The following KIAA0319L variants were observed in gnomAD, a reference collection of about 807,000 sequenced individuals.
KIAA0319L encodes the protein KIAA0319 like.
In KIAA0319L, 55 loss-of-function variants were observed where a neutral mutation model predicts 120.1. The ratio of observed to expected loss-of-function variants is 0.46; its 90% CI spans 0.37 to 0.57. KIAA0319L has a LOEUF of 0.57. KIAA0319L is among the 20% of genes least tolerant of loss of function. KIAA0319L has a pLI of 0.00. For missense variants in KIAA0319L, 1,049 were observed against 1,255.3 expected (o/e 0.84, Z 2.48); for synonymous variants, 398 against 471.9 (o/e 0.84, Z 2.03).
chr1:35,444,021 T>C lies in KIAA0319L; in HGVS notation c.2656+140A>G, dbSNP rs893213344. The C allele has an allele frequency of 1.4e-5, 10 of 691,240 alleles. No individual in the cohort carries two copies. In the African/African-American group the frequency reaches 1.5e-4, roughly 10 times the overall value. 42.8% of individuals were successfully genotyped at this position (691,240 alleles called of 1,614,324 possible). On this transcript the variant is annotated intron_variant, in intron 17 of 20. Transcript: ENST00000325722. ...TCCCCAGTGATGAATCAGGACTCTT[T>C]CATGGTAATAGTAGTGCAAGAGAAT... is the stretch of plus-strand genomic sequence containing the variant.
chr1:35,534,604 A>C (rs1646496018), intron 2 of KIAA0319L, among the ~76,000 whole-genome samples: 2 of 152,202 alleles, frequency 1.3e-5, no homozygotes, highest in South Asian at 4.1e-4. Context: ...TCATGCCTGT[A>C]ATCCCAGCAC....
At chr1:35,473,907 T>C (rs530679036) in intron 5 of KIAA0319L, among the ~76,000 whole-genome samples, 5 of 152,296 alleles carry the variant, frequency 3.3e-5, no homozygotes, top group African/African-American at 1.2e-4. Flanking sequence ...ACCACTCAAG[T>C]CCTAAATAGT....
chr1:35,504,418 G>A (rs1003974844), intron 3 of KIAA0319L, among the ~76,000 whole-genome samples: 2 of 152,066 alleles, frequency 1.3e-5, no homozygotes, highest in African/African-American at 2.4e-5. Flanking sequence ...GAATGGTCTC[G>A]ATCTCCTGAC....
At position 35,460,389 on chromosome 1, in the gene KIAA0319L, T is replaced by C; in HGVS notation, c.1343A>G (p.Lys448Arg). 1 of 1,612,520 alleles carries C rather than the reference T, an allele frequency of 6.2e-7. No homozygotes were observed. Among genetic ancestry groups the C allele is most frequent in the Non-Finnish European group, 8.5e-7 (1 of 1,178,584 alleles). ...KIVQYHWEEL[K>R]GPLREEKISE... ...AATCTTCTCTTCTCTTAGAGGCCCC[T>C]TAAGTTCTTCCCAATGGTACTGAAC... Residue 448 changes from lysine to arginine, a missense_variant, in exon 9 of 21, where the codon AAG (lysine) becomes AGG (arginine). By Grantham distance (26) the Lys-to-Arg change is conservative (BLOSUM62 2). Transcript: ENST00000325722.
intron 3 of KIAA0319L, among the ~76,000 whole-genome samples, chr1:35,497,123 C>T (rs929795182): frequency 6.6e-6 from 1 of 151,066 alleles, no homozygotes; most frequent in African/African-American, 2.4e-5. Context: ...CAATGGATGC[C>T]TAGGACTGGG....
chr1:35,443,258 G>A, intron 17 of KIAA0319L: 2 of 510,514 alleles, frequency 3.9e-6, no homozygotes, highest in Non-Finnish European at 7.0e-6. Flanking sequence ...CTTGTTGTTT[G>A]TCTATATCAG....
chr1:35,473,296 C>T (rs1643753836), intron 5 of KIAA0319L, among the ~76,000 whole-genome samples: 1 of 151,486 alleles, frequency 6.6e-6, no homozygotes, highest in Non-Finnish European at 1.5e-5. Flanking sequence ...TGGGGTTTCG[C>T]CACGTTGGCC....
chr1:35,470,795 T>C (rs571413082), intron 6 of KIAA0319L, 68 bp downstream of exon 6: 3 of 944,928 alleles, frequency 3.2e-6, no homozygotes, highest in African/African-American at 1.6e-5. Flanking sequence ...GAAAATTATA[T>C]GATATTCATT....
In KIAA0319L at chr1:35,528,902, TG is replaced by T. The variant is rs1357875950; in HGVS notation, c.143-21768del. Among the ~76,000 whole-genome samples the T allele has an allele frequency of 2.0e-5, 3 of 152,228 alleles. No individual in the cohort carries two copies. In the East Asian group the frequency reaches 5.8e-4, roughly 29 times the overall value. ...GTTTTGACTTAAAGTCTGTTTTACC[TG>T]ATACAAGTAAAGCTATTCCTGCTCA... On this transcript the variant is annotated intron_variant, in intron 2 of 20. Coordinates refer to ENST00000325722, the MANE Select transcript of KIAA0319L (RefSeq NM_024874.5).
chr1:35,490,526 A>C (rs1385831048), intron 3 of KIAA0319L, among the ~76,000 whole-genome samples: 1 of 152,220 alleles, frequency 6.6e-6, no homozygotes, highest in Non-Finnish European at 1.5e-5. Flanking sequence ...AATGAGAAAA[A>C]AAATGTAAAT....
intron 1 of KIAA0319L, among the ~76,000 whole-genome samples, chr1:35,556,133 A>C (rs1481558689): frequency 1.3e-5 from 2 of 152,236 alleles, no homozygotes; most frequent in Non-Finnish European, 2.9e-5. Flanking sequence ...CACCCCCACA[A>C]TACTTGACAA....
At chr1:35,527,527 G>GTC (rs1646196402) in intron 2 of KIAA0319L, among the ~76,000 whole-genome samples, 2 of 152,124 alleles carry the variant, frequency 1.3e-5, no homozygotes, top group Non-Finnish European at 2.9e-5. Flanking sequence ...AAGCCATCAG[G>GTC]TCCTAGGCTT....
Position 35,521,878 on chromosome 1 carries a change from C to G in KIAA0319L, c.143-14743G>C, listed in dbSNP as rs144685636. Reference sequence around the variant, plus strand: ...GTCCCAGCTATCTGGGACGCTGAGGCAAGAGAATGGCGTGAACCCGGGAGG... The same window carrying G: ...GTCCCAGCTATCTGGGACGCTGAGGGAAGAGAATGGCGTGAACCCGGGAGG... On this transcript the variant is annotated intron_variant, in intron 2 of 20. Transcript: ENST00000325722. Among the ~76,000 whole-genome samples the G allele has an allele frequency of 8.1e-3, 1,113 of 136,618 alleles. 13 individuals are homozygous for G. The highest frequency in any genetic ancestry group is 0.029 in the African/African-American group (1,068 of 36,902). The allele number at this position is 136,618 out of a possible 152,430, so 89.6% of individuals were successfully genotyped here.
chr1:35,435,020 G>C lies in KIAA0319L; in HGVS notation c.3024C>G (p.Asp1008Glu). Reference protein sequence around the residue: ...SSLMHSESELDSDDAIFTWPD... With the variant: ...SSLMHSESELESDDAIFTWPD... ...GCCATGTAAAGATGGCATCATCGCT[G>C]TCCAGCTCTGACTCGGAGTGCATCA... The change falls in exon 21 of 21, where the codon GAC becomes GAG. Residue 1008 changes from aspartate to glutamate, a missense_variant. Transcript: ENST00000325722. 4 of 1,614,222 alleles carry C rather than the reference G, an allele frequency of 2.5e-6. No homozygotes were observed. The highest frequency in any genetic ancestry group is 3.4e-6 in the Non-Finnish European group (4 of 1,180,038).
chr1:35,553,905 T>C (rs1411453794), intron 2 of KIAA0319L, among the ~76,000 whole-genome samples: 1 of 152,142 alleles, frequency 6.6e-6, no homozygotes, highest in East Asian at 1.9e-4. Context: ...TAAGTGTAGA[T>C]TCCTTTAGGA....
At chr1:35,480,156 C>A (rs749319994) in intron 3 of KIAA0319L, among the ~76,000 whole-genome samples, 1 of 151,454 alleles carries the variant, frequency 6.6e-6, no homozygotes, top group Non-Finnish European at 1.5e-5. Flanking sequence ...AATGTAGGCA[C>A]AAAAAATGAA....
chr1:35,501,601 G>A (rs1217487913), intron 3 of KIAA0319L, among the ~76,000 whole-genome samples: 19 of 152,194 alleles, frequency 1.2e-4, no homozygotes, highest in Non-Finnish European at 5.9e-5. Flanking sequence ...GACAGGCCAG[G>A]CGTGGTGGCT....
chr1:35,535,161 A>G (rs1208321998), intron 2 of KIAA0319L, among the ~76,000 whole-genome samples: 2 of 151,836 alleles, frequency 1.3e-5, no homozygotes, highest in African/African-American at 4.8e-5. Flanking sequence ...TCTCCCTAGA[A>G]GAGGGCAATA....
At chr1:35,490,034 C>T (rs1644535000) in intron 3 of KIAA0319L, among the ~76,000 whole-genome samples, 1 of 152,170 alleles carries the variant, frequency 6.6e-6, no homozygotes, top group South Asian at 2.1e-4. Flanking sequence ...GATCTTGGCT[C>T]ACTGCAGCCT....
Sources: gnomAD v4.1 joint callset for allele counts (sites outside exome capture counted in the v4.1 genomes callset) on GRCh38, gnomAD v4.1.1 for gene constraint, MANE v1.5 for transcripts, NCBI Gene and HGNC (gene_info 2026-07-23, HGNC 2026-07-21) for gene names.